The following FHIT variants were observed in gnomAD, a reference collection of about 807,000 sequenced individuals.
FHIT encodes the protein fragile histidine triad diadenosine triphosphatase.
Under a neutral mutation model 17.9 loss-of-function variants are expected in FHIT, and 19 were observed. The observed-to-expected ratio is 1.06, with a 90% CI of 0.74 to 1.56. The LOEUF is 1.56. Ranked by LOEUF, FHIT falls within the 40% of genes most tolerant of loss-of-function variation. The pLI, the probability that FHIT is intolerant of heterozygous loss-of-function variation, is 0.00. For synonymous variants in FHIT, 81 were observed against 69.7 expected, an observed-to-expected ratio of 1.16 and a Z score of -0.81; for missense variants, 248 against 189.2, an observed-to-expected ratio of 1.31 and a Z score of -1.82.
chr3:60,072,268 G>A (rs138837249), intron 5 of FHIT, among the ~76,000 whole-genome samples: 3 of 152,238 alleles, frequency 2.0e-5, no homozygotes, highest in African/African-American at 7.2e-5. Context: ...TGAGAAGACA[G>A]CCCTTTATAT....
intron 4 of FHIT, among the ~76,000 whole-genome samples, chr3:60,737,113 C>A (rs782720874): frequency 6.6e-6 from 1 of 152,188 alleles, no homozygotes; most frequent in Admixed American, 6.5e-5. Flanking sequence ...TAACAGCATG[C>A]AACATATTGC....
intron 3 of FHIT, among the ~76,000 whole-genome samples, chr3:61,036,368 T>C (rs2033239893): frequency 6.6e-6 from 1 of 152,004 alleles, no homozygotes; most frequent in Non-Finnish European, 1.5e-5. Flanking sequence ...CACTGGGGAT[T>C]ACCATTCAAC....
chr3:60,867,901 G>C (rs79804253), intron 3 of FHIT, among the ~76,000 whole-genome samples: 3 of 152,056 alleles, frequency 2.0e-5, no homozygotes, highest in Non-Finnish European at 4.4e-5. Flanking sequence ...GGACTCATTT[G>C]TTACTGCAGC....
chr3:59,926,465 G>C (rs1429882655), intron 7 of FHIT, among the ~76,000 whole-genome samples: 1 of 152,192 alleles, frequency 6.6e-6, no homozygotes, highest in Non-Finnish European at 1.5e-5. Context: ...ATTTTGGATA[G>C]AAATAAGTGT....
intron 8 of FHIT, among the ~76,000 whole-genome samples, chr3:59,863,621 A>G (rs1702503069): frequency 6.6e-6 from 1 of 152,194 alleles, no homozygotes; most frequent in Non-Finnish European, 1.5e-5. Context: ...CATAGTAGGG[A>G]GTCACTCAAT....
intron 5 of FHIT, among the ~76,000 whole-genome samples, chr3:60,207,742 GAT>G (rs1317484192): frequency 5.9e-5 from 9 of 152,250 alleles, no homozygotes; most frequent in African/African-American, 1.7e-4. Flanking sequence ...AGGTCATTCT[GAT>G]ATGTTTTAGG....
intron 8 of FHIT, among the ~76,000 whole-genome samples, chr3:59,844,870 G>C (rs1006998559): frequency 4.6e-5 from 7 of 152,056 alleles, no homozygotes; most frequent in Admixed American, 4.6e-4. Context: ...GTTTGAAAAA[G>C]ATCGGTTTAG....
chr3:60,933,642 C>T (rs1275874933), intron 3 of FHIT, among the ~76,000 whole-genome samples: 2 of 152,258 alleles, frequency 1.3e-5, no homozygotes, highest in South Asian at 2.1e-4. Context: ...TTACCATTTA[C>T]TACTGATGCA....
intron 3 of FHIT, among the ~76,000 whole-genome samples, chr3:60,913,031 G>T (rs781898233): frequency 9.9e-5 from 15 of 152,194 alleles, no homozygotes; most frequent in Non-Finnish European, 1.6e-4. Flanking sequence ...TTAGTGCAGA[G>T]CCTGTTTCAC....
chr3:59,987,100 T>C (rs1226375540), intron 7 of FHIT, among the ~76,000 whole-genome samples: 2 of 138,196 alleles, frequency 1.4e-5, no homozygotes, highest in Non-Finnish European at 3.1e-5. Flanking sequence ...TATGAAGATA[T>C]AAAAAATCTA....
At chr3:60,770,355 C>T (rs1700001569) in intron 4 of FHIT, among the ~76,000 whole-genome samples, 3 of 151,890 alleles carry the variant, frequency 2.0e-5, no homozygotes, top group Non-Finnish European at 2.9e-5. Context: ...TGCCCAATAT[C>T]CTCTGGATAT....
intron 7 of FHIT, among the ~76,000 whole-genome samples, chr3:59,951,234 C>G (rs1224155158): frequency 6.6e-6 from 1 of 152,142 alleles, no homozygotes; most frequent in Non-Finnish European, 1.5e-5. Flanking sequence ...TTCCTAGGGA[C>G]CACCATGAAC....
chr3:61,193,734 T>C (rs2038779146), intron 2 of FHIT, among the ~76,000 whole-genome samples: 1 of 152,208 alleles, frequency 6.6e-6, no homozygotes. Flanking sequence ...TGACACATCA[T>C]GAGCAACCAC....
intron 5 of FHIT, among the ~76,000 whole-genome samples, chr3:60,257,480 T>C (rs1025611233): frequency 1.3e-5 from 2 of 152,220 alleles, no homozygotes; most frequent in African/African-American, 4.8e-5. Flanking sequence ...CTGCTGATGC[T>C]ACTCTTTCAC....
chr3:60,726,977 A>G (rs2041929657), intron 4 of FHIT, among the ~76,000 whole-genome samples: 1 of 152,176 alleles, frequency 6.6e-6, no homozygotes, highest in African/African-American at 2.4e-5. Flanking sequence ...TCTTCAATAT[A>G]TTTATAATAA....
intron 5 of FHIT, among the ~76,000 whole-genome samples, chr3:60,178,334 C>G (rs562093641): frequency 6.6e-6 from 1 of 152,238 alleles, no homozygotes; most frequent in Admixed American, 6.5e-5. Flanking sequence ...CACCTGTAAT[C>G]CCAGCACTTT....
chr3:61,154,863 T>C (rs2037490633), intron 2 of FHIT, among the ~76,000 whole-genome samples: 2 of 152,348 alleles, frequency 1.3e-5, no homozygotes, highest in South Asian at 2.1e-4. Flanking sequence ...CATTTTCAAA[T>C]AAAGCCCTCA....
chr3:60,803,104 T>C lies in FHIT; in HGVS notation c.-18+18815A>G, dbSNP rs186500610. On this transcript the variant is annotated intron_variant, in intron 4 of 9. Coordinates refer to ENST00000492590, the MANE Select transcript of FHIT (RefSeq NM_002012.4). ...ATTTCTGGTGATCAGATTATCCACC[T>C]AGAAAGTGTAAGAAAACAAGTCTTC... 2.1e-3 allele frequency among the ~76,000 whole-genome samples: 316 copies of C among 152,292 alleles called. 2 individuals carry two copies. The highest frequency in any genetic ancestry group is 6.9e-3 in the African/African-American group (285 of 41,562).
Position 60,173,746 on chromosome 3 carries a change from G to A in FHIT, c.104-159594C>T, listed in dbSNP as rs188077356. On this transcript the variant is annotated intron_variant, in intron 5 of 9. Transcript: ENST00000492590. ...CTCAGTGGACTCTGTGGGGTCAGGA[G>A]GAGCCCTTTCTCTGGGTTTTCCCTC... Among the ~76,000 whole-genome samples the A allele has an allele frequency of 2.8e-3, 422 of 151,500 alleles. 2 individuals are homozygous for A. Among genetic ancestry groups the A allele is most frequent in the African/African-American group, 9.6e-3 (396 of 41,282 alleles).
Sources: allele counts gnomAD v4.1 joint callset (sites outside exome capture counted in the v4.1 genomes callset), GRCh38; gene constraint gnomAD v4.1.1; transcripts MANE v1.5; gene names NCBI Gene and HGNC (gene_info 2026-07-23, HGNC 2026-07-21).